PLD5: variants seen among roughly 807,000 people sequenced by gnomAD.
PLD5 encodes the protein phospholipase D family member 5, also known as inactive phospholipase D5.
PLD5 carries 36 observed loss-of-function variants against 61.1 expected under a neutral mutation model. That is an observed-to-expected ratio of 0.59 (90% CI 0.45 to 0.78). The LOEUF (loss-of-function observed/expected upper bound fraction) is 0.78. PLD5 is among the 30% of genes least tolerant of loss of function. PLD5 has a pLI of 0.00. For synonymous variants in PLD5, 243 were observed against 242.8 expected (o/e 1.00, Z -0.01); for missense variants, 515 against 644.4 (o/e 0.80, Z 2.17).
In PLD5 at chr1:242,230,275, C is replaced by T. The variant is rs573940399; in HGVS notation, c.608-10160G>A. 5.9e-5 allele frequency among the ~76,000 whole-genome samples: 9 copies of T among 152,248 alleles called. No homozygotes were observed. In the South Asian group the frequency reaches 1.9e-3, roughly 32 times the overall value. ...ATCTTATTTCTAAAATATAATTTATCCCATACATATGCATCCCTAATAGCA... is the reference window on the plus strand; with the variant it reads ...ATCTTATTTCTAAAATATAATTTATTCCATACATATGCATCCCTAATAGCA... On this transcript the variant is annotated intron_variant, in intron 4 of 9. Transcript: ENST00000536534.
At position 242,084,927 on chromosome 1, in the gene PLD5, T is replaced by A. The variant is rs1659385167; in HGVS notation, c.*4927A>T. 1 of 151,932 alleles carries A rather than the reference T, an allele frequency of 6.6e-6. No homozygotes were observed. 9.4% of individuals were successfully genotyped at this position (151,932 alleles called of 1,614,324 possible). On this transcript the variant is annotated 3_prime_UTR_variant, in exon 10 of 10. Coordinates refer to ENST00000536534, the MANE Select transcript of PLD5 (RefSeq NM_001372062.1). Reference sequence around the variant, plus strand: ...ATGAGAGACTGATTTGTTTCTGAGATCAGCTTGAGGAGAAAAAGAAATGCC... The same window carrying A: ...ATGAGAGACTGATTTGTTTCTGAGAACAGCTTGAGGAGAAAAAGAAATGCC...
At chr1:242,479,849 C>T (rs967551445) in intron 1 of PLD5, among the ~76,000 whole-genome samples, 3 of 151,462 alleles carry the variant, frequency 2.0e-5, no homozygotes, top group African/African-American at 7.3e-5. Flanking sequence ...CGAGACTAAC[C>T]TGGCCCACAT....
chr1:242,394,768 GAA>G lies in PLD5; in HGVS notation c.190-46528_190-46527del, dbSNP rs1491432634. On this transcript the variant is annotated intron_variant, in intron 1 of 9. Coordinates refer to ENST00000536534, the MANE Select transcript of PLD5 (RefSeq NM_001372062.1). ...TGTGAACATATATGTGTATATATGT[GAA>G]TATATATGTGTATATATGTGAATAT... Among the ~76,000 whole-genome samples, 6 of 38,374 alleles carry G rather than the reference GAA, an allele frequency of 1.6e-4. 2 individuals carry two copies. In the Admixed American group the frequency reaches 1.8e-3, roughly 11 times the overall value. 25.2% of individuals were successfully genotyped at this position (38,374 alleles called of 152,430 possible).
intron 1 of PLD5, among the ~76,000 whole-genome samples, chr1:242,368,443 G>T (rs1180988622): frequency 6.6e-6 from 1 of 152,164 alleles, no homozygotes; most frequent in Non-Finnish European, 1.5e-5. Context: ...GCAAAAGAAA[G>T]AAAATAGCTC....
At chr1:242,185,950 A>C (rs1024907717) in intron 5 of PLD5, among the ~76,000 whole-genome samples, 1 of 152,114 alleles carries the variant, frequency 6.6e-6, no homozygotes. Context: ...ACTCAGAGTG[A>C]TTACCCAGAA....
intron 2 of PLD5, among the ~76,000 whole-genome samples, chr1:242,321,298 T>C (rs1181176996): frequency 6.7e-6 from 1 of 150,260 alleles, no homozygotes; most frequent in Admixed American, 6.6e-5. Context: ...TCTTTCTTTC[T>C]CTCTCTCTCT....
At chr1:242,481,227 C>A (rs1188550149) in intron 1 of PLD5, among the ~76,000 whole-genome samples, 1 of 152,196 alleles carries the variant, frequency 6.6e-6, no homozygotes, top group Non-Finnish European at 1.5e-5. Context: ...ACAGTGGGTG[C>A]AGCGCACCAA....
intron 1 of PLD5, among the ~76,000 whole-genome samples, chr1:242,352,139 A>C (rs979071193): frequency 6.6e-6 from 1 of 152,194 alleles, no homozygotes; most frequent in African/African-American, 2.4e-5. Context: ...GCTATGCAAC[A>C]GATCTCAAAA....
intron 1 of PLD5, among the ~76,000 whole-genome samples, chr1:242,505,420 C>T (rs908023594): frequency 6.6e-6 from 1 of 151,686 alleles, no homozygotes; most frequent in African/African-American, 2.4e-5. Context: ...ATGGAGTGTA[C>T]CCCCATGTTT....
chr1:242,124,758 G>T, intron 5 of PLD5, 93 bp from the exon 6 acceptor site: 1 of 1,024,762 alleles, frequency 9.8e-7, no homozygotes, highest in Non-Finnish European at 1.4e-6. Context: ...AGGTAGTTGT[G>T]ACATCTTTTT....
intron 1 of PLD5, among the ~76,000 whole-genome samples, chr1:242,349,286 G>C (rs1660340395): frequency 6.6e-6 from 1 of 152,100 alleles, no homozygotes. Context: ...CTAGGTAGCG[G>C]GCTTCAGAGA....
intron 3 of PLD5, among the ~76,000 whole-genome samples, chr1:242,282,908 A>C (rs906604573): frequency 7.2e-5 from 11 of 152,234 alleles, no homozygotes; most frequent in Admixed American, 1.3e-4. Flanking sequence ...TACAGTTATC[A>C]TGAAACTCTA....
chr1:242,318,332 C>T (rs767456013), intron 2 of PLD5, among the ~76,000 whole-genome samples: 1 of 152,118 alleles, frequency 6.6e-6, no homozygotes, highest in Non-Finnish European at 1.5e-5. Context: ...GTTCCTCCTG[C>T]GGGAGGGGAG....
intron 5 of PLD5, among the ~76,000 whole-genome samples, chr1:242,212,969 C>T (rs986515878): frequency 6.6e-6 from 1 of 152,126 alleles, no homozygotes; most frequent in Non-Finnish European, 1.5e-5. Context: ...AAAAGCTGGA[C>T]ATGTAGAACC....
intron 2 of PLD5, among the ~76,000 whole-genome samples, chr1:242,321,004 GCTAA>G (rs1381530249): frequency 2.6e-5 from 4 of 152,180 alleles, no homozygotes; most frequent in Non-Finnish European, 4.4e-5. Flanking sequence ...TCGGAGATCT[GCTAA>G]CTATTTGCAG....
intron 1 of PLD5, among the ~76,000 whole-genome samples, chr1:242,440,642 G>T (rs552796146): frequency 9.8e-5 from 15 of 152,346 alleles, no homozygotes; most frequent in African/African-American, 3.1e-4. Flanking sequence ...GAATCACAGA[G>T]ATTTTAGCTA....
At chr1:242,198,882 G>GCC (rs2148950886) in intron 5 of PLD5, among the ~76,000 whole-genome samples, 1 of 151,514 alleles carries the variant, frequency 6.6e-6, no homozygotes, top group East Asian at 2.0e-4. Context: ...TTACAGGCAT[G>GCC]TGCCACCACG....
intron 2 of PLD5, among the ~76,000 whole-genome samples, chr1:242,304,393 T>C (rs1465533529): frequency 2.6e-5 from 4 of 152,250 alleles, no homozygotes; most frequent in African/African-American, 9.6e-5. Flanking sequence ...ATATGTGCTG[T>C]TTCCAGAGGT....
intron 5 of PLD5, among the ~76,000 whole-genome samples, chr1:242,180,961 T>C (rs932757054): frequency 2.0e-5 from 3 of 151,768 alleles, no homozygotes; most frequent in African/African-American, 7.3e-5. Context: ...CCAGCCTGGG[T>C]GACAGAGGAA....
Sources: allele counts gnomAD v4.1 joint callset (sites outside exome capture counted in the v4.1 genomes callset), GRCh38; gene constraint gnomAD v4.1.1; transcripts MANE v1.5; gene names NCBI Gene and HGNC (gene_info 2026-07-23, HGNC 2026-07-21).